The following ARHGAP26 variants were observed in gnomAD, a reference collection of about 807,000 sequenced individuals.
ARHGAP26 encodes rho GTPase-activating protein 26.
ARHGAP26 carries 38 observed loss-of-function variants against 104.8 expected under a neutral mutation model. The ratio of observed to expected loss-of-function variants is 0.36; its 90% CI spans 0.28 to 0.48. The LOEUF (loss-of-function observed/expected upper bound fraction) is 0.48, where lower values mean the gene tolerates loss of function less well. Ranked by LOEUF, ARHGAP26 falls within the 20% of genes least tolerant of loss-of-function variation. The probability of loss-of-function intolerance (pLI) is 0.99; values close to 1 mark genes in which losing one functional copy is unlikely to be tolerated. For synonymous variants in ARHGAP26, 341 were observed against 340.0 expected (o/e 1.00, Z -0.03); for missense variants, 704 against 947.9 (o/e 0.74, Z 3.38).
chr5:143,013,261 A>G (rs1779137703), intron 11 of ARHGAP26, among the ~76,000 whole-genome samples: 1 of 152,212 alleles, frequency 6.6e-6, no homozygotes, highest in Admixed American at 6.5e-5. Context: ...AAAATGTATG[A>G]AAATTTACTT....
intron 11 of ARHGAP26, among the ~76,000 whole-genome samples, chr5:142,982,402 T>C (rs1265601246): frequency 6.6e-6 from 1 of 152,220 alleles, no homozygotes; most frequent in Non-Finnish European, 1.5e-5. Context: ...ACATGGCTGC[T>C]GGCTTCCCTC....
Position 142,770,628 on chromosome 5 carries a change from T to G in ARHGAP26, c.-134T>G. ...GCGCCGGCGGACACCGCGCGCGGAG[T>G]GAGCCAGCGCCACACCTGTGGAGCC... is the stretch of plus-strand genomic sequence containing the variant. On this transcript the variant is annotated 5_prime_UTR_variant, in exon 1 of 23. Transcript: ENST00000645722. 1 of 591,188 alleles carries G rather than the reference T, an allele frequency of 1.7e-6. No individual in the cohort carries two copies. The highest frequency in any genetic ancestry group is 2.2e-6 in the Non-Finnish European group (1 of 459,702). 36.6% of individuals were successfully genotyped at this position (591,188 alleles called of 1,614,324 possible).
chr5:142,784,933 T>TG (rs1758253495), intron 1 of ARHGAP26, among the ~76,000 whole-genome samples: 1 of 148,930 alleles, frequency 6.7e-6, no homozygotes, highest in African/African-American at 2.5e-5. Flanking sequence ...ATTTTTTTTT[T>TG]TTTTTTTTTT....
At chr5:143,053,898 CA>C (rs1251792148) in intron 14 of ARHGAP26, among the ~76,000 whole-genome samples, 1 of 152,078 alleles carries the variant, frequency 6.6e-6, no homozygotes, top group Non-Finnish European at 1.5e-5. Flanking sequence ...AGGCATTTTC[CA>C]TGTTGCTTTA....
chr5:142,808,381 G>C (rs529418992), intron 1 of ARHGAP26, among the ~76,000 whole-genome samples: 1 of 150,738 alleles, frequency 6.6e-6, no homozygotes, highest in African/African-American at 2.4e-5. Context: ...CATCTAATTG[G>C]TGTCAAATTT....
intron 11 of ARHGAP26, among the ~76,000 whole-genome samples, chr5:142,958,624 A>G (rs1417951726): frequency 6.6e-6 from 1 of 152,206 alleles, no homozygotes; most frequent in East Asian, 1.9e-4. Flanking sequence ...CTGTGATCGC[A>G]CCACTGCACT....
rs1599588801 is a variant in ARHGAP26 at position 143,222,611 on chromosome 5, A to T, written c.*165A>T. 1 of 484,056 alleles carries T rather than the reference A, an allele frequency of 2.1e-6. No individual in the cohort carries two copies. Among genetic ancestry groups the T allele is most frequent in the Non-Finnish European group, 3.6e-6 (1 of 275,108 alleles). The allele number at this position is 484,056 out of a possible 1,614,324, so 30.0% of individuals were successfully genotyped here. A position where few individuals can be genotyped will look rare whatever the true frequency, so the allele number is the denominator to read the frequency against. ...GTGAGCTCTGGTGTCACTCATCTCCATGATCATCTCAGCCAACATGCATCA... is the reference window on the plus strand; with the variant it reads ...GTGAGCTCTGGTGTCACTCATCTCCTTGATCATCTCAGCCAACATGCATCA... On this transcript the variant is annotated 3_prime_UTR_variant, in exon 23 of 23. Transcript: ENST00000645722.
chr5:143,145,747 T>G (rs1372279528), intron 19 of ARHGAP26, among the ~76,000 whole-genome samples: 1 of 152,208 alleles, frequency 6.6e-6, no homozygotes, highest in Non-Finnish European at 1.5e-5. Flanking sequence ...AAATCTACTT[T>G]GAGTACAGTA....
At chr5:143,204,780 A>C (rs1808306499) in intron 20 of ARHGAP26, among the ~76,000 whole-genome samples, 1 of 152,016 alleles carries the variant, frequency 6.6e-6, no homozygotes, top group African/African-American at 2.4e-5. Flanking sequence ...AGGAAGCTGG[A>C]GGTGTTTCCT....
intron 17 of ARHGAP26, among the ~76,000 whole-genome samples, chr5:143,096,858 C>T (rs1336803297): frequency 6.6e-6 from 1 of 152,174 alleles, no homozygotes; most frequent in Non-Finnish European, 1.5e-5. Context: ...AATGGACCAA[C>T]AGAGAACCAC....
intron 11 of ARHGAP26, among the ~76,000 whole-genome samples, chr5:142,991,121 C>T (rs565423827): frequency 9.2e-5 from 14 of 152,334 alleles, no homozygotes; most frequent in African/African-American, 3.1e-4. Flanking sequence ...CCAGTTCGAG[C>T]TTCCTGGCCG....
At chr5:143,191,048 C>T (rs1805854583) in intron 20 of ARHGAP26, among the ~76,000 whole-genome samples, 1 of 152,330 alleles carries the variant, frequency 6.6e-6, no homozygotes, top group African/African-American at 2.4e-5. Flanking sequence ...CAGGGCTTAA[C>T]TGCAAATGGC....
At chr5:142,867,725 C>G (rs1300945616) in intron 1 of ARHGAP26, 1 of 152,212 alleles carries the variant, frequency 6.6e-6, no homozygotes, top group Non-Finnish European at 1.5e-5. Context: ...AGCTCTCCCT[C>G]CAGCTCTGTG....
At chr5:142,912,646 C>A (rs1761980365) in intron 9 of ARHGAP26, among the ~76,000 whole-genome samples, 1 of 152,156 alleles carries the variant, frequency 6.6e-6, no homozygotes. Context: ...CAAAAGTAAG[C>A]AAAATTTGAC....
At chr5:142,796,080 G>GTT (rs1760936628) in intron 1 of ARHGAP26, among the ~76,000 whole-genome samples, 1 of 151,840 alleles carries the variant, frequency 6.6e-6, no homozygotes, top group Admixed American at 6.6e-5. Flanking sequence ...GTGTGTGTGT[G>GTT]TGTGTGTGTG....
chr5:143,054,374 ATG>A, intron 14 of ARHGAP26, 63 bp from the exon 15 acceptor site: 1 of 1,138,916 alleles, frequency 8.8e-7, no homozygotes, highest in Admixed American at 2.2e-5. Flanking sequence ...GGATGCCTTT[ATG>A]TGTGCTTATT....
chr5:143,012,570 T>TACAC (rs1478118908), intron 11 of ARHGAP26, among the ~76,000 whole-genome samples: 2 of 87,410 alleles, frequency 2.3e-5, no homozygotes, highest in African/African-American at 3.5e-5. Context: ...TATATATATA[T>TACAC]ATATATTATG....
chr5:143,143,175 C>A lies in ARHGAP26; in HGVS notation c.1838-4056C>A, dbSNP rs770284993. Among the ~76,000 whole-genome samples the A allele has an allele frequency of 2.0e-5, 3 of 152,180 alleles. No homozygotes were observed. The Middle Eastern group carries it at 0.01, about 518-fold the overall frequency. On this transcript the variant is annotated intron_variant, in intron 19 of 22. Coordinates refer to ENST00000645722, the MANE Select transcript of ARHGAP26 (RefSeq NM_001135608.3). Reference sequence around the variant, plus strand: ...GTCCCATGCATGGGGGGAAACCTCCCGCAAATGTTTCGTATTTACCCTCCA... The same window carrying A: ...GTCCCATGCATGGGGGGAAACCTCCAGCAAATGTTTCGTATTTACCCTCCA...
intron 11 of ARHGAP26, among the ~76,000 whole-genome samples, chr5:143,008,944 T>G (rs975588952): frequency 6.6e-6 from 1 of 152,190 alleles, no homozygotes; most frequent in African/African-American, 2.4e-5. Flanking sequence ...AAATCACATC[T>G]TGGTGCAGAG....
Sources: allele counts gnomAD v4.1 joint callset (sites outside exome capture counted in the v4.1 genomes callset), GRCh38; gene constraint gnomAD v4.1.1; transcripts MANE v1.5; gene names NCBI Gene and HGNC (gene_info 2026-07-23, HGNC 2026-07-21).